FNDC3B: variants seen among roughly 807,000 people sequenced by gnomAD.
FNDC3B encodes fibronectin type III domain-containing protein 3B.
Under a neutral mutation model 151.5 loss-of-function variants are expected in FNDC3B, and 12 were observed. The ratio of observed to expected loss-of-function variants is 0.08; its 90% CI spans 0.05 to 0.13. The LOEUF (loss-of-function observed/expected upper bound fraction) is 0.13, where lower values mean the gene tolerates loss of function less well. Ranked by LOEUF, FNDC3B falls within the 10% of genes least tolerant of loss-of-function variation. The pLI is 1.00. For missense variants in FNDC3B, 1,214 were observed against 1,505.3 expected (o/e 0.81, Z 3.20); for synonymous variants, 528 against 549.0 (o/e 0.96, Z 0.54).
At chr3:172,144,838 G>A (rs1015800872) in intron 3 of FNDC3B, among the ~76,000 whole-genome samples, 11 of 152,024 alleles carry the variant, frequency 7.2e-5, no homozygotes, top group African/African-American at 2.7e-4. Flanking sequence ...AGTTAATGGG[G>A]AATATGCTTT....
chr3:172,203,095 A>T (rs1725239574), intron 3 of FNDC3B, among the ~76,000 whole-genome samples: 1 of 152,192 alleles, frequency 6.6e-6, no homozygotes, highest in Non-Finnish European at 1.5e-5. Flanking sequence ...AAATTTACCC[A>T]TTATTTTCGA....
intron 6 of FNDC3B, among the ~76,000 whole-genome samples, chr3:172,280,018 G>A (rs1240635551): frequency 6.6e-6 from 1 of 151,996 alleles, no homozygotes; most frequent in Non-Finnish European, 1.5e-5. Flanking sequence ...GGGTTCTAGC[G>A]ATCCTCCCAC....
At chr3:172,183,590 T>A (rs140004127) in intron 3 of FNDC3B, among the ~76,000 whole-genome samples, 1 of 152,368 alleles carries the variant, frequency 6.6e-6, no homozygotes, top group East Asian at 1.9e-4. Context: ...TACATTTCTT[T>A]CAGTCTTCTG....
At chr3:172,129,933 G>A (rs1182830393) in intron 2 of FNDC3B, among the ~76,000 whole-genome samples, 3 of 151,036 alleles carry the variant, frequency 2.0e-5, no homozygotes, top group Non-Finnish European at 2.9e-5. Flanking sequence ...GTTCTGTATC[G>A]CATTTTATAT....
intron 11 of FNDC3B, among the ~76,000 whole-genome samples, chr3:172,311,254 A>G (rs1731464106): frequency 6.6e-6 from 1 of 152,232 alleles, no homozygotes; most frequent in Admixed American, 6.5e-5. Flanking sequence ...CTTGGAAAGC[A>G]TAATTTGCTT....
chr3:172,307,467 A>G lies in FNDC3B; in HGVS notation c.1166A>G (p.His389Arg), dbSNP rs1210832614. The change falls in exon 10 of 26, where the codon CAT becomes CGT. Residue 389 changes from histidine (H) to arginine (R), a missense_variant. By Grantham distance (29) the His-to-Arg change is conservative. Coordinates refer to ENST00000415807, the MANE Select transcript of FNDC3B (RefSeq NM_022763.4). ...TGTCCTTTCCCCCCTAAGCTGGCACATAGGAGCAAAAGTTCACTAACCCTG... is the reference window on the plus strand; with the variant it reads ...TGTCCTTTCCCCCCTAAGCTGGCACGTAGGAGCAAAAGTTCACTAACCCTG... ...PECPFPPKLAHRSKSSLTLQW... is the reference protein window; with the variant it reads ...PECPFPPKLARRSKSSLTLQW... The G allele has an allele frequency of 1.9e-6, 3 of 1,614,088 alleles. No individual in the cohort carries two copies. Among genetic ancestry groups the G allele is most frequent in the Middle Eastern group, 1.7e-4 (1 of 6,060 alleles).
At chr3:172,279,107 C>G (rs1362419247) in intron 6 of FNDC3B, among the ~76,000 whole-genome samples, 1 of 151,994 alleles carries the variant, frequency 6.6e-6, no homozygotes, top group African/African-American at 2.4e-5. Flanking sequence ...CATGTTGCCT[C>G]TCTTATTACC....
chr3:172,386,637 G>A (rs1273538116), intron 25 of FNDC3B, among the ~76,000 whole-genome samples: 1 of 151,774 alleles, frequency 6.6e-6, no homozygotes, highest in Non-Finnish European at 1.5e-5. Flanking sequence ...AGCTACTTGG[G>A]AGGCTGAGGC....
chr3:172,120,457 G>C (rs1286095692), intron 2 of FNDC3B, among the ~76,000 whole-genome samples: 5 of 152,060 alleles, frequency 3.3e-5, no homozygotes, highest in African/African-American at 4.8e-5. Context: ...GGCATCTGAA[G>C]TAACATTCAG....
At chr3:172,259,773 T>C (rs907264646) in intron 6 of FNDC3B, among the ~76,000 whole-genome samples, 1 of 152,216 alleles carries the variant, frequency 6.6e-6, no homozygotes, top group Admixed American at 6.5e-5. Context: ...TTCCCCCTCG[T>C]ATTTTTGTTG....
chr3:172,204,972 C>T lies in FNDC3B; in HGVS notation c.188-21899C>T, dbSNP rs1466209422. On this transcript the variant is annotated intron_variant, in intron 3 of 25. Transcript: ENST00000415807. Reference sequence around the variant, plus strand: ...ATGTTCAACACTGAACAGCTTCACTCGGCATTGTAGTGGAAATGGAGAGAG... The same window carrying T: ...ATGTTCAACACTGAACAGCTTCACTTGGCATTGTAGTGGAAATGGAGAGAG... Among the ~76,000 whole-genome samples the T allele has an allele frequency of 7.2e-5, 11 of 152,266 alleles. No homozygotes were observed. The East Asian group carries it at 1.9e-3, about 27-fold the overall frequency.
chr3:172,311,592 C>T (rs1262398980), intron 11 of FNDC3B, among the ~76,000 whole-genome samples: 8 of 151,754 alleles, frequency 5.3e-5, no homozygotes, highest in Non-Finnish European at 7.4e-5. Context: ...GTAGGTCGGG[C>T]GCGATGACTC....
intron 3 of FNDC3B, among the ~76,000 whole-genome samples, chr3:172,171,243 G>C (rs1723266143): frequency 6.6e-6 from 1 of 152,214 alleles, no homozygotes; most frequent in Non-Finnish European, 1.5e-5. Context: ...GGCTTGGAAA[G>C]TGCTGATGGA....
intron 7 of FNDC3B, among the ~76,000 whole-genome samples, chr3:172,286,334 A>G (rs76492426): frequency 0.027 from 4,037 of 151,920 alleles, 170 homozygotes; most frequent in African/African-American, 0.092. Flanking sequence ...ATTTTTGAAA[A>G]CCTCAGTAAT....
chr3:172,093,929 C>T (rs1205743824), intron 1 of FNDC3B, among the ~76,000 whole-genome samples: 3 of 152,202 alleles, frequency 2.0e-5, no homozygotes, highest in Non-Finnish European at 4.4e-5. Context: ...TTTCACATGT[C>T]ATACAGCTCA....
intron 25 of FNDC3B, among the ~76,000 whole-genome samples, chr3:172,387,818 G>A (rs1445686942): frequency 6.6e-6 from 1 of 152,148 alleles, no homozygotes; most frequent in Non-Finnish European, 1.5e-5. Context: ...TAGGCCCATT[G>A]GATGAAAACC....
At chr3:172,089,505 G>T (rs561221923) in intron 1 of FNDC3B, among the ~76,000 whole-genome samples, 1 of 152,182 alleles carries the variant, frequency 6.6e-6, no homozygotes, top group South Asian at 2.1e-4. Flanking sequence ...GGTAGGGGAC[G>T]GCACAACACA....
intron 3 of FNDC3B, among the ~76,000 whole-genome samples, chr3:172,196,555 G>T (rs747804454): frequency 6.6e-6 from 1 of 152,108 alleles, no homozygotes; most frequent in Admixed American, 6.5e-5. Flanking sequence ...CCTAACTCTT[G>T]GTCTTTCTGG....
chr3:172,254,204 A>G (rs541815252), intron 6 of FNDC3B, among the ~76,000 whole-genome samples: 1 of 152,320 alleles, frequency 6.6e-6, no homozygotes, highest in South Asian at 2.1e-4. Context: ...GTTAATATAA[A>G]TACATGTATT....
Sources: gnomAD v4.1 joint callset for allele counts (sites outside exome capture counted in the v4.1 genomes callset) on GRCh38, gnomAD v4.1.1 for gene constraint, MANE v1.5 for transcripts, NCBI Gene and HGNC (gene_info 2026-07-23, HGNC 2026-07-21) for gene names.